Variants in TFE3 observed in about 807,000 individuals in gnomAD.
TFE3 encodes transcription factor binding to IGHM enhancer 3.
Under a neutral mutation model 35.0 loss-of-function variants are expected in TFE3, and 5 were observed. The observed-to-expected ratio is 0.14, with a 90% CI of 0.07 to 0.30. The LOEUF (loss-of-function observed/expected upper bound fraction) is 0.30, where lower values mean the gene tolerates loss of function less well. Ranked by LOEUF, TFE3 falls within the 10% of genes least tolerant of loss-of-function variation. The probability of loss-of-function intolerance (pLI) is 1.00; values close to 1 mark genes in which losing one functional copy is unlikely to be tolerated. For synonymous variants in TFE3, 211 were observed against 215.6 expected (o/e 0.98, Z 0.18); for missense variants, 374 against 496.6 (o/e 0.75, Z 2.35).
rs781787823 is a variant in TFE3 at position 49,039,229 on chromosome X, C to T, written c.412G>A (p.Ala138Thr). 11 of 1,204,383 alleles carry T rather than the reference C, an allele frequency of 9.1e-6. No homozygotes were observed. The highest frequency in any genetic ancestry group is 1.8e-5 in the African/African-American group (1 of 56,918). Residue 138 changes from alanine (A) to threonine (T), a missense_variant, in exon 3 of 10, where the codon GCC becomes ACC. By Grantham distance (58) the Ala-to-Thr change is moderately conservative. Around this residue, in one of 3 missense-constraint regions of TFE3, gnomAD observed 167 missense variants for 297.2 expected, o/e 0.56. Transcript: ENST00000315869. ...GCAGGACTGGGGAAGGGAGCCGCGG[C>T]GGCCTGTTCCCGACGCTCACGCCTC... The part of the protein sequence containing the change: ...QERRERREQA[A>T]AAPFPSPAPA...
At chrX:49,030,845 G>C (rs1158164951) in intron 9 of TFE3, among the ~76,000 whole-genome samples, 1 of 111,165 alleles carries the variant, frequency 9.0e-6, no homozygotes, top group African/African-American at 3.3e-5. Flanking sequence ...ATCACTTTGG[G>C]AGGCCGAGGC....
chrX:49,037,949 T>C, intron 5 of TFE3, 61 bp downstream of exon 5: 2 of 1,006,065 alleles, frequency 2.0e-6, no homozygotes, highest in South Asian at 2.0e-5. Flanking sequence ...AGACTGAGTA[T>C]GGTCTTGGTG....
rs782133905 is a variant in TFE3 at position 49,043,174 on chromosome X, C to T, written c.53G>A (p.Gly18Asp). 4.2e-6 allele frequency: 5 copies of T among 1,185,279 alleles called. No individual in the cohort carries two copies. In the Admixed American group the frequency reaches 1.2e-4, roughly 28 times the overall value. ...ARDGVEASAE[G>D]PRAVFVLLEE... is the part of the protein sequence containing the mutation. ...CAACAGCACGAACACGGCTCGAGGG[C>T]CCTCCGCGCTGGCCTCTACGCCATC... Residue 18 changes from glycine to aspartate, a missense_variant, in exon 1 of 10, where the codon GGC becomes GAC. Physicochemically the swap from Gly to Asp is moderately conservative, Grantham distance 94. This residue lies in a region of TFE3 where 90 missense variants were observed against 87.5 expected (regional missense o/e 1.03). Transcript: ENST00000315869.
intron 8 of TFE3, among the ~76,000 whole-genome samples, chrX:49,032,878 T>C (rs1018587562): frequency 9.9e-5 from 11 of 111,235 alleles, no homozygotes; most frequent in Non-Finnish European, 1.9e-4. Context: ...GGTTTCACCA[T>C]GTTGGCCTTC....
chrX:49,033,992 T>C lies in TFE3; in HGVS notation c.1003+142A>G, dbSNP rs2064714020. On this transcript the variant is annotated intron_variant, in intron 6 of 9. Transcript: ENST00000315869. ...GGGGTGAAAGCAAGACCACAAGCCATAGGGGGAAAGGGGACAAACAGCCTC... is the reference window on the plus strand; with the variant it reads ...GGGGTGAAAGCAAGACCACAAGCCACAGGGGGAAAGGGGACAAACAGCCTC... 2.1e-5 allele frequency: 13 copies of C among 622,409 alleles called. No homozygotes were observed. In the South Asian group the frequency reaches 2.7e-4, roughly 13 times the overall value. 51.3% of individuals were successfully genotyped at this position (622,409 alleles called of 1,213,427 possible).
At chrX:49,040,417 G>T (rs782251433) in intron 2 of TFE3, 38 bp downstream of exon 2, 2 of 1,081,723 alleles carry the variant, frequency 1.8e-6, no homozygotes, top group South Asian at 3.7e-5. Context: ...GAGGGCTGAG[G>T]AATTGGGAGG....
At position 49,038,416 on chromosome X, in the gene TFE3, C is replaced by T. The variant is rs781887371; in HGVS notation, c.561G>A (p.Thr187=). ...LKVQTHLENP[T]RYHLQQARRQ... Reference sequence around the variant, plus strand: ...GGCGCGCCTGCTGCAGGTGGTAGCGCGTTGGGTTCTCCAGATGGGTCTGCA... The same window carrying T: ...GGCGCGCCTGCTGCAGGTGGTAGCGTGTTGGGTTCTCCAGATGGGTCTGCA... The change falls in exon 4 of 10, where the codon ACG becomes ACA. Residue 187 remains threonine (T), a synonymous_variant. Coordinates refer to ENST00000315869, the MANE Select transcript of TFE3 (RefSeq NM_006521.6). 5.8e-6 allele frequency: 7 copies of T among 1,201,585 alleles called. No individual in the cohort carries two copies. The highest frequency in any genetic ancestry group is 3.6e-5 in the South Asian group (2 of 56,185).
At chrX:49,033,883 C>T (rs1265549048) in intron 6 of TFE3, 101 bp from the exon 7 acceptor site, 1 of 971,942 alleles carries the variant, frequency 1.0e-6, no homozygotes, top group African/African-American at 1.9e-5. Flanking sequence ...GGGGAAATGC[C>T]TTTTTTAAAA....
chrX:49,040,936 CTTT>C (rs201030170), intron 1 of TFE3, among the ~76,000 whole-genome samples: 2 of 97,965 alleles, frequency 2.0e-5, no homozygotes, highest in Admixed American at 1.1e-4. Context: ...ATACCCCCTA[CTTT>C]TTTTTTTTTT....
intron 5 of TFE3, among the ~76,000 whole-genome samples, chrX:49,035,322 A>AAAATAAATAAATAAAT (rs781998192): frequency 0.099 from 8,235 of 83,389 alleles, 934 homozygotes; most frequent in African/African-American, 0.29. Context: ...ACTCTATCTC[A>AAAATAAATAAATAAAT]AAATAAATAA....
chrX:49,033,610 C>G (rs1569521115), intron 7 of TFE3, 70 bp from the exon 8 acceptor site: 1 of 1,184,693 alleles, frequency 8.4e-7, no homozygotes, highest in African/African-American at 1.8e-5. Context: ...ATGGAAGAGA[C>G]AGAAAGTAGG....
intron 2 of TFE3, 93 bp downstream of exon 2, chrX:49,040,362 G>T: frequency 1.6e-6 from 1 of 633,393 alleles, no homozygotes. Context: ...GTGAAAGAAT[G>T]GGTTGGGCTG....
chrX:49,029,986 C>T lies in TFE3; in HGVS notation c.*172G>A. 1.8e-6 allele frequency: 1 copy of T among 552,361 alleles called. No individual in the cohort carries two copies. Among genetic ancestry groups the T allele is most frequent in the South Asian group, 2.7e-5 (1 of 36,611 alleles). 45.5% of individuals were successfully genotyped at this position (552,361 alleles called of 1,213,427 possible). On this transcript the variant is annotated 3_prime_UTR_variant, in exon 10 of 10. Transcript: ENST00000315869. ...CTTTGGGGAAGGTGCAGGGCCTCAT[C>T]TGACTCCTCCTCCTTGCCTGATTAC...
intron 8 of TFE3, 104 bp downstream of exon 8, chrX:49,033,361 T>C: frequency 1.4e-6 from 1 of 732,376 alleles, no homozygotes; most frequent in Non-Finnish European, 2.0e-6. Context: ...AGAGGAGAAA[T>C]GCCTGGGCCG....
Position 49,043,296 on chromosome X carries a change from G to GT in TFE3, c.-71dup. 1.2e-6 allele frequency: 1 copy of GT among 821,581 alleles called. No individual in the cohort carries two copies. The highest frequency in any genetic ancestry group is 1.7e-6 in the Non-Finnish European group (1 of 598,587). The allele number at this position is 821,581 out of a possible 1,213,427, so 67.7% of individuals were successfully genotyped here. ...GCCCGGTCCCCCTAACAAAATAAGA[G>GT]TCCCCCCTCCCCCCAGCTCGCCACC... On this transcript the variant is annotated 5_prime_UTR_variant, in exon 1 of 10. Coordinates refer to ENST00000315869, the MANE Select transcript of TFE3 (RefSeq NM_006521.6).
chrX:49,041,568 C>T (rs1340519260), intron 1 of TFE3, among the ~76,000 whole-genome samples: 1 of 111,175 alleles, frequency 9.0e-6, no homozygotes, highest in Non-Finnish European at 1.9e-5. Context: ...CTTTTCTTAC[C>T]GGAGGAGCCT....
In TFE3 at chrX:49,040,462, G is replaced by A. The variant is rs868906167; in HGVS notation, c.223C>T (p.Arg75Cys). 17 of 1,206,143 alleles carry A rather than the reference G, an allele frequency of 1.4e-5. No homozygotes were observed. Among genetic ancestry groups the A allele is most frequent in the East Asian group, 3.0e-5 (1 of 33,816 alleles). The change falls in exon 2 of 10, where the codon CGC becomes TGC. Residue 75 changes from arginine (R) to cysteine (C), a missense_variant. Arg to Cys is a radical substitution (Grantham distance 180). Transcript: ENST00000315869. Reference protein sequence around the residue: ...YELKSQPLPLRSSLPISLQAT... With the variant: ...YELKSQPLPLCSSLPISLQAT... ...TAGACAAGTCATACATACCTTGAGC[G>A]AAGGGGTAAGGGTTGGCTTTTGAGC...
At chrX:49,030,762 C>T (rs1280512157) in intron 9 of TFE3, among the ~76,000 whole-genome samples, 161 bp from the exon 10 acceptor site, 2 of 111,803 alleles carry the variant, frequency 1.8e-5, no homozygotes, top group Admixed American at 1.9e-4. Context: ...ATCTCTGAAG[C>T]TTCAGAGTCG....
In TFE3 at chrX:49,039,308, TGAA is replaced by T. The variant is rs2064747648; in HGVS notation, c.330_332del (p.Ser112del). ...GCTGCTGCCGCAGCAAGACCCTCGA[TGAA>T]GAAGATGACGACATGGCAGGGGTCC... On this transcript the variant is annotated inframe_deletion, in exon 3 of 10. Coordinates refer to ENST00000315869, the MANE Select transcript of TFE3 (RefSeq NM_006521.6). The T allele has an allele frequency of 1.7e-6, 2 of 1,207,130 alleles. No homozygotes were observed. The highest frequency in any genetic ancestry group is 1.1e-6 in the Non-Finnish European group (1 of 893,176).
Sources: gnomAD v4.1 joint callset for allele counts (sites outside exome capture counted in the v4.1 genomes callset) on GRCh38, gnomAD v4.1.1 for gene constraint, gnomAD v4.1.1 regional missense constraint, MANE v1.5 for transcripts, NCBI Gene and HGNC (gene_info 2026-07-23, HGNC 2026-07-21) for gene names.